KCNQ1: variants seen among roughly 807,000 people sequenced by gnomAD.
KCNQ1 encodes potassium voltage-gated channel subfamily Q member 1, also known as potassium voltage-gated channel subfamily KQT member 1.
In KCNQ1, 49 loss-of-function variants were observed where a neutral mutation model predicts 72.4. The ratio of observed to expected loss-of-function variants is 0.68; its 90% CI spans 0.54 to 0.86. KCNQ1 has a LOEUF of 0.86. KCNQ1 is among the 40% of genes least tolerant of loss of function. KCNQ1 has a pLI of 0.00. For missense variants in KCNQ1, 790 were observed against 945.1 expected, an observed-to-expected ratio of 0.84 and a Z score of 2.15; for synonymous variants, 450 against 412.6, an observed-to-expected ratio of 1.09 and a Z score of -1.10.
intron 1 of KCNQ1, among the ~76,000 whole-genome samples, chr11:2,513,882 G>A (rs112566261): frequency 1.3e-5 from 2 of 152,186 alleles, no homozygotes; most frequent in African/African-American, 4.8e-5. Flanking sequence ...TCACCTGCCC[G>A]GCTAAAGCCC....
rs1375984021 is a variant in KCNQ1 at position 2,683,362 on chromosome 11, G to A, written c.1514+21281G>A. On this transcript the variant is annotated intron_variant, in intron 11 of 15. Transcript: ENST00000155840. The surrounding 1 kb of genome is among the most constrained non-coding windows in gnomAD (Gnocchi z 4.7). ...CTAGGCCACTGTGCCTGCCACTGCT[G>A]TCTGCAAATGCAGGTTCCTGGGGCT... 2.5e-6 allele frequency: 1 copy of A among 398,502 alleles called. No individual in the cohort carries two copies. The highest frequency in any genetic ancestry group is 4.4e-6 in the Non-Finnish European group (1 of 226,070). 24.7% of individuals were successfully genotyped at this position (398,502 alleles called of 1,614,324 possible).
At chr11:2,810,008 A>G (rs1410197253) in intron 15 of KCNQ1, among the ~76,000 whole-genome samples, 1 of 152,148 alleles carries the variant, frequency 6.6e-6, no homozygotes, top group African/African-American at 2.4e-5. Context: ...CATGGTGAAA[A>G]TATCTTCATT....
intron 10 of KCNQ1, chr11:2,640,772 T>C: frequency 2.5e-6 from 1 of 398,582 alleles, no homozygotes; most frequent in Admixed American, 4.4e-5. Flanking sequence ...ACATTATAAA[T>C]TATTTATTCT....
In KCNQ1 at chr11:2,818,409, G is replaced by A. The variant is rs545075059; in HGVS notation, c.1795-29358G>A. 2.6e-5 allele frequency among the ~76,000 whole-genome samples: 4 copies of A among 152,330 alleles called. No homozygotes were observed. The highest frequency in any genetic ancestry group is 9.6e-5 in the African/African-American group (4 of 41,578). On this transcript the variant is annotated intron_variant, in intron 15 of 15. Transcript: ENST00000155840. This position sits in a 1 kb window ranked among gnomAD's most constrained non-coding sequence, Gnocchi z 7.2. ...GGCCCCCACAGAGTGTGCATCCTAA[G>A]GTGGTTCAGAGGTCCTCAGAAAGTG...
Position 2,750,757 on chromosome 11 carries a change from G to A in KCNQ1, c.1515-18087G>A, listed in dbSNP as rs984293313. Reference sequence around the variant, plus strand: ...AATCTCCTGGGCTGCTGGGCGAAATGGGATCCCCTGGCTCTTTCACTGAAA... The same window carrying A: ...AATCTCCTGGGCTGCTGGGCGAAATAGGATCCCCTGGCTCTTTCACTGAAA... On this transcript the variant is annotated intron_variant, in intron 11 of 15. Transcript: ENST00000155840. The surrounding 1 kb of genome is among the most constrained non-coding windows in gnomAD (Gnocchi z 6.3). Among the ~76,000 whole-genome samples the A allele has an allele frequency of 5.9e-5, 9 of 152,166 alleles. No individual in the cohort carries two copies. The highest frequency in any genetic ancestry group is 2.0e-4 in the Admixed American group (3 of 15,274).
intron 11 of KCNQ1, chr11:2,662,298 T>G (rs1471381578): frequency 4.9e-6 from 3 of 606,804 alleles, no homozygotes; most frequent in African/African-American, 3.7e-5. Context: ...TCCTCTTGTT[T>G]TGACTTATGG....
chr11:2,662,290 C>T, intron 11 of KCNQ1: 1 of 613,426 alleles, frequency 1.6e-6, no homozygotes. Flanking sequence ...GAACATGATC[C>T]TCTTGTTTTG....
rs1420556514 is a variant in KCNQ1 at position 2,848,650 on chromosome 11, G to A, written c.*647G>A. ...CCCCAGGGCACGTGGTTGAGTGGGG[G>A]GAACGCCCACTTCCCTGGGTTAGAC... On this transcript the variant is annotated 3_prime_UTR_variant, in exon 16 of 16. Coordinates refer to ENST00000155840, the MANE Select transcript of KCNQ1 (RefSeq NM_000218.3). The A allele has an allele frequency of 2.2e-6, 1 of 451,698 alleles. No individual in the cohort carries two copies. Among genetic ancestry groups the A allele is most frequent in the Admixed American group, 2.4e-5 (1 of 42,542 alleles). The allele number at this position is 451,698 out of a possible 1,614,324, so 28.0% of individuals were successfully genotyped here.
intron 1 of KCNQ1, among the ~76,000 whole-genome samples, chr11:2,524,983 G>A (rs1847470833): frequency 1.3e-5 from 2 of 152,150 alleles, no homozygotes; most frequent in South Asian, 2.1e-4. Flanking sequence ...TCACTTCCCT[G>A]CTCACTGCAA....
chr11:2,589,875 G>C (rs1848648950), intron 10 of KCNQ1, among the ~76,000 whole-genome samples: 1 of 152,194 alleles, frequency 6.6e-6, no homozygotes, highest in Non-Finnish European at 1.5e-5. Context: ...CCAGTTTTGA[G>C]ACAAACATCC....
chr11:2,668,034 G>C lies in KCNQ1; in HGVS notation c.1514+5953G>C. The C allele has an allele frequency of 2.5e-6, 1 of 398,616 alleles. No individual in the cohort carries two copies. Among genetic ancestry groups the C allele is most frequent in the Non-Finnish European group, 4.4e-6 (1 of 226,070 alleles). The allele number at this position is 398,616 out of a possible 1,614,324, so 24.7% of individuals were successfully genotyped here. A position where few individuals can be genotyped will look rare whatever the true frequency, so the allele number is the denominator to read the frequency against. On this transcript the variant is annotated intron_variant, in intron 11 of 15. Transcript: ENST00000155840. The surrounding 1 kb of genome is among the most constrained non-coding windows in gnomAD (Gnocchi z 4.3). Reference sequence around the variant, plus strand: ...GCCTAACTGCTAGCAGCAAGGACCAGCTTTGCCCACATTTGAACTTTATGC... The same window carrying C: ...GCCTAACTGCTAGCAGCAAGGACCACCTTTGCCCACATTTGAACTTTATGC...
At position 2,611,451 on chromosome 11, in the gene KCNQ1, A is replaced by G; in HGVS notation, c.1393+22597A>G. The G allele has an allele frequency of 5.0e-6, 2 of 397,876 alleles. No individual in the cohort carries two copies. Among genetic ancestry groups the G allele is most frequent in the Non-Finnish European group, 4.4e-6 (1 of 226,086 alleles). 24.6% of individuals were successfully genotyped at this position (397,876 alleles called of 1,614,324 possible). On this transcript the variant is annotated intron_variant, in intron 10 of 15. Transcript: ENST00000155840. This position sits in a 1 kb window ranked among gnomAD's most constrained non-coding sequence, Gnocchi z 5.3. ...GGTCTTGAACTCCTGACCTCGAGTGATCTGTCTGCCTCAGCCTCCCAAAAT... is the reference window on the plus strand; with the variant it reads ...GGTCTTGAACTCCTGACCTCGAGTGGTCTGTCTGCCTCAGCCTCCCAAAAT...
At chr11:2,606,036 T>TA (rs1324791793) in intron 10 of KCNQ1, among the ~76,000 whole-genome samples, 2 of 152,244 alleles carry the variant, frequency 1.3e-5, no homozygotes, top group Non-Finnish European at 2.9e-5. Flanking sequence ...TTTATTATGG[T>TA]AAAAATATAC....
At chr11:2,650,325 T>G (rs1033764771) in intron 10 of KCNQ1, 3 of 398,456 alleles carry the variant, frequency 7.5e-6, no homozygotes, top group South Asian at 1.3e-4. Flanking sequence ...CTTGTTTTTT[T>G]CCCCCCAAGT....
chr11:2,796,703 C>T (rs570194027), intron 15 of KCNQ1, among the ~76,000 whole-genome samples: 3 of 152,326 alleles, frequency 2.0e-5, no homozygotes, highest in Admixed American at 2.0e-4. Flanking sequence ...GGTGGACAGA[C>T]CCAGGAAGAC....
chr11:2,847,543 G>A (rs905671176), intron 15 of KCNQ1, among the ~76,000 whole-genome samples: 3 of 152,202 alleles, frequency 2.0e-5, no homozygotes, highest in East Asian at 3.9e-4. Context: ...GCACGCACGG[G>A]ATGGACTCCA....
Position 2,447,767 on chromosome 11 carries a change from G to C in KCNQ1, c.386+2283G>C, listed in dbSNP as rs986939868. Among the ~76,000 whole-genome samples, 4 of 152,204 alleles carry C rather than the reference G, an allele frequency of 2.6e-5. No individual in the cohort carries two copies. Among genetic ancestry groups the C allele is most frequent in the African/African-American group, 9.6e-5 (4 of 41,458 alleles). On this transcript the variant is annotated intron_variant, in intron 1 of 15. Transcript: ENST00000155840. This position sits in a 1 kb window ranked among gnomAD's most constrained non-coding sequence, Gnocchi z 7.6. ...GTGGTTTCTGGCCTGAAGACGACAA[G>C]CCTGGCCTTGAAGAGCCAGGGCCCA...
In KCNQ1 at chr11:2,621,943, C is replaced by T. The variant is rs1480548638; in HGVS notation, c.1393+33089C>T. ...TTAGTTTGTTCTTCTTTTTCTAATT[C>T]CTTGAGGTACAATTTTGGGCTATTT... is the stretch of plus-strand genomic sequence containing the variant. On this transcript the variant is annotated intron_variant, in intron 10 of 15. Coordinates refer to ENST00000155840, the MANE Select transcript of KCNQ1 (RefSeq NM_000218.3). The surrounding 1 kb of genome is among the most constrained non-coding windows in gnomAD (Gnocchi z 5.7). The T allele has an allele frequency of 2.5e-6, 1 of 398,074 alleles. No homozygotes were observed. The highest frequency in any genetic ancestry group is 3.6e-5 in the East Asian group (1 of 28,012). The allele number at this position is 398,074 out of a possible 1,614,324, so 24.7% of individuals were successfully genotyped here.
intron 10 of KCNQ1, chr11:2,619,646 G>C: frequency 2.5e-6 from 1 of 396,988 alleles, no homozygotes; most frequent in East Asian, 3.6e-5. Context: ...GATGCCTTTG[G>C]CTCACCTGGG....
Sources: allele counts gnomAD v4.1 joint callset (sites outside exome capture counted in the v4.1 genomes callset), GRCh38; gene constraint gnomAD v4.1.1; non-coding constraint Gnocchi (gnomAD v3.1); transcripts MANE v1.5; gene names NCBI Gene and HGNC (gene_info 2026-07-23, HGNC 2026-07-21).